The following CABCOCO1 variants were observed in gnomAD, a reference collection of about 807,000 sequenced individuals.
The protein encoded by CABCOCO1 is ciliary associated calcium binding coiled-coil 1.
In CABCOCO1, 28 loss-of-function variants were observed where a neutral mutation model predicts 35.7. That is an observed-to-expected ratio of 0.78 (90% CI 0.58 to 1.07). The LOEUF (loss-of-function observed/expected upper bound fraction) is 1.07, where lower values mean the gene tolerates loss of function less well. CABCOCO1 is among the 50% of genes least tolerant of loss of function. CABCOCO1 has a pLI of 0.00. For synonymous variants in CABCOCO1, 95 were observed against 100.1 expected (o/e 0.95, Z 0.30); for missense variants, 326 against 309.2 (o/e 1.05, Z -0.41).
chr10:61,762,490 C>G (rs936240623), intron 7 of CABCOCO1, among the ~76,000 whole-genome samples: 2 of 152,054 alleles, frequency 1.3e-5, no homozygotes, highest in African/African-American at 4.8e-5. Flanking sequence ...GTGCCACAAT[C>G]ATTTCCATAG....
intron 5 of CABCOCO1, among the ~76,000 whole-genome samples, chr10:61,715,668 G>A (rs1840846376): frequency 6.6e-6 from 1 of 152,114 alleles, no homozygotes; most frequent in South Asian, 2.1e-4. Flanking sequence ...TTCTTTCCAT[G>A]TTTAGTGCTT....
chr10:61,740,687 T>A (rs1052315250), intron 5 of CABCOCO1, among the ~76,000 whole-genome samples: 2 of 152,182 alleles, frequency 1.3e-5, no homozygotes, highest in African/African-American at 4.8e-5. Flanking sequence ...GGTACCTTCT[T>A]TTGTCATCTT....
chr10:61,686,401 T>C (rs1182933339), intron 4 of CABCOCO1, among the ~76,000 whole-genome samples: 2 of 152,174 alleles, frequency 1.3e-5, no homozygotes, highest in Non-Finnish European at 2.9e-5. Flanking sequence ...ACAGTTTGGC[T>C]AACTTTGCAT....
At chr10:61,701,038 C>T (rs998509013) in intron 5 of CABCOCO1, among the ~76,000 whole-genome samples, 12 of 151,796 alleles carry the variant, frequency 7.9e-5, no homozygotes, top group African/African-American at 2.9e-4. Context: ...TAGCAGTAGT[C>T]CTGGGTTGTC....
intron 2 of CABCOCO1, among the ~76,000 whole-genome samples, chr10:61,677,253 T>C (rs1474516979): frequency 1.3e-5 from 2 of 152,092 alleles, no homozygotes; most frequent in African/African-American, 4.8e-5. Context: ...ATGGCCAATA[T>C]AACCCAGCAG....
At position 61,760,204 on chromosome 10, in the gene CABCOCO1, A is replaced by G. The variant is rs191187250; in HGVS notation, c.675+23A>G. On this transcript the variant is annotated intron_variant, in intron 6 of 7. Transcript: ENST00000648843. ...AAGGTATATTTCTTTTTGTCTTTCC[A>G]TTCACCCTACCTCATCATTATATTC... is the stretch of plus-strand genomic sequence containing the variant. 2,357 of 1,606,618 alleles carry G rather than the reference A, an allele frequency of 1.5e-3. 3 individuals are homozygous for G. The highest frequency in any genetic ancestry group is 4.2e-3 in the Admixed American group (249 of 59,812).
At chr10:61,717,460 T>C (rs1472418764) in intron 5 of CABCOCO1, among the ~76,000 whole-genome samples, 1 of 149,110 alleles carries the variant, frequency 6.7e-6, no homozygotes, top group Non-Finnish European at 1.5e-5. Flanking sequence ...AAAAGCCTAA[T>C]AATGACTTAG....
At chr10:61,712,805 C>T (rs995884697) in intron 5 of CABCOCO1, among the ~76,000 whole-genome samples, 2 of 151,846 alleles carry the variant, frequency 1.3e-5, no homozygotes, top group African/African-American at 4.8e-5. Flanking sequence ...GTCAAAGATC[C>T]GATGGTTGTA....
intron 3 of CABCOCO1, among the ~76,000 whole-genome samples, chr10:61,681,572 C>T (rs1278588666): frequency 6.6e-6 from 1 of 152,074 alleles, no homozygotes; most frequent in Non-Finnish European, 1.5e-5. Context: ...GTGGCATCCA[C>T]CCTCTAAATA....
chr10:61,756,141 C>G (rs1841892983), intron 5 of CABCOCO1, among the ~76,000 whole-genome samples: 2 of 151,928 alleles, frequency 1.3e-5, no homozygotes, highest in South Asian at 2.1e-4. Flanking sequence ...TGCCAAAAAG[C>G]CATTTACTTG....
At chr10:61,761,884 A>T (rs147698899) in intron 7 of CABCOCO1, among the ~76,000 whole-genome samples, 1 of 152,094 alleles carries the variant, frequency 6.6e-6, no homozygotes, top group South Asian at 2.1e-4. Context: ...ATCAAATGTT[A>T]TTGCACTATT....
At chr10:61,684,213 G>A (rs1480311192) in intron 3 of CABCOCO1, among the ~76,000 whole-genome samples, 1 of 152,180 alleles carries the variant, frequency 6.6e-6, no homozygotes, top group East Asian at 1.9e-4. Context: ...CATAAAAGAT[G>A]ATCTGGAGGG....
At chr10:61,710,949 C>T (rs1450780085) in intron 5 of CABCOCO1, among the ~76,000 whole-genome samples, 1 of 151,624 alleles carries the variant, frequency 6.6e-6, no homozygotes, top group East Asian at 1.9e-4. Flanking sequence ...CTACAAACCC[C>T]AAATCAATCA....
chr10:61,707,976 G>C (rs778107341), intron 5 of CABCOCO1, among the ~76,000 whole-genome samples: 3 of 151,870 alleles, frequency 2.0e-5, no homozygotes, highest in Non-Finnish European at 4.4e-5. Context: ...AAAATAAGGG[G>C]ACTAATATCT....
Position 61,689,410 on chromosome 10 carries a change from C to G in CABCOCO1, c.480-1139C>G, listed in dbSNP as rs193267906. Reference sequence around the variant, plus strand: ...AATGTTGATGAGTAATTTGAATGTACAAGAGGTTTTTTTCCCCCAAAATAC... The same window carrying G: ...AATGTTGATGAGTAATTTGAATGTAGAAGAGGTTTTTTTCCCCCAAAATAC... On this transcript the variant is annotated intron_variant, in intron 4 of 7. Coordinates refer to ENST00000648843, the MANE Select transcript of CABCOCO1 (RefSeq NM_001366906.2). Among the ~76,000 whole-genome samples the G allele has an allele frequency of 5.1e-4, 78 of 152,204 alleles. 2 individuals carry two copies. The East Asian group carries it at 0.013, about 26-fold the overall frequency.
chr10:61,706,415 A>T (rs985810985), intron 5 of CABCOCO1, among the ~76,000 whole-genome samples: 6 of 152,222 alleles, frequency 3.9e-5, no homozygotes, highest in Non-Finnish European at 8.8e-5. Context: ...TCAAAACTTG[A>T]AATGTTCCTT....
chr10:61,671,332 A>T (rs1564528802), intron 1 of CABCOCO1, among the ~76,000 whole-genome samples: 1 of 152,218 alleles, frequency 6.6e-6, no homozygotes, highest in Non-Finnish European at 1.5e-5. Context: ...CTCAAAAAAA[A>T]AAAAAGGTTT....
At chr10:61,746,077 T>C (rs376527033) in intron 5 of CABCOCO1, among the ~76,000 whole-genome samples, 45 of 152,346 alleles carry the variant, frequency 3.0e-4, no homozygotes, top group Admixed American at 1.7e-3. Flanking sequence ...CTACAAAATA[T>C]AGGCCTATGC....
intron 2 of CABCOCO1, among the ~76,000 whole-genome samples, chr10:61,674,284 A>G (rs1479296167): frequency 6.6e-6 from 1 of 152,206 alleles, no homozygotes; most frequent in Non-Finnish European, 1.5e-5. Context: ...AGGATACAGT[A>G]AGTGATACAG....
Sources: allele counts gnomAD v4.1 joint callset (sites outside exome capture counted in the v4.1 genomes callset), GRCh38; gene constraint gnomAD v4.1.1; transcripts MANE v1.5; gene names NCBI Gene and HGNC (gene_info 2026-07-23, HGNC 2026-07-21).